Variants in PDE11A observed in about 807,000 individuals in gnomAD.
The protein encoded by PDE11A is phosphodiesterase 11A, also known as dual 3',5'-cyclic-AMP and -GMP phosphodiesterase 11A.
Under a neutral mutation model 100.5 loss-of-function variants are expected in PDE11A, and 100 were observed. The observed-to-expected ratio is 1.00, with a 90% CI of 0.85 to 1.18. The LOEUF (loss-of-function observed/expected upper bound fraction) is 1.18, where lower values mean the gene tolerates loss of function less well. Among genes scored for constraint, PDE11A ranks in the 50% most tolerant of loss-of-function variants. The pLI, the probability that PDE11A is intolerant of heterozygous loss-of-function variation, is 0.00. For missense variants in PDE11A, 1,141 were observed against 1,152.6 expected, an observed-to-expected ratio of 0.99 and a Z score of 0.15; for synonymous variants, 381 against 420.8, an observed-to-expected ratio of 0.91 and a Z score of 1.16.
At chr2:177,764,551 C>A (rs903380198) in intron 10 of PDE11A, among the ~76,000 whole-genome samples, 7 of 152,180 alleles carry the variant, frequency 4.6e-5, no homozygotes, top group African/African-American at 1.7e-4. Flanking sequence ...GGGTACTAAA[C>A]TCATTTTCTT....
At chr2:177,897,375 G>T (rs564823095) in intron 4 of PDE11A, among the ~76,000 whole-genome samples, 3 of 152,334 alleles carry the variant, frequency 2.0e-5, no homozygotes, top group South Asian at 4.1e-4. Flanking sequence ...CAGCCCTAAG[G>T]CTCTGAACGA....
intron 1 of PDE11A, among the ~76,000 whole-genome samples, chr2:178,033,560 A>G (rs1304707047): frequency 6.6e-6 from 1 of 152,172 alleles, no homozygotes; most frequent in African/African-American, 2.4e-5. Context: ...CAACACTAAG[A>G]TACTCCTCAA....
intron 12 of PDE11A, among the ~76,000 whole-genome samples, chr2:177,715,932 T>A (rs184587042): frequency 3.2e-4 from 49 of 152,186 alleles, no homozygotes; most frequent in Non-Finnish European, 5.9e-4. Flanking sequence ...GATTGCTGTG[T>A]CTTATCACGG....
intron 1 of PDE11A, among the ~76,000 whole-genome samples, chr2:178,029,679 A>T (rs2086520668): frequency 6.6e-6 from 1 of 152,302 alleles, no homozygotes; most frequent in East Asian, 1.9e-4. Context: ...AATGGCAGGA[A>T]ATATATATTG....
At chr2:177,766,452 T>C (rs1225606755) in intron 10 of PDE11A, among the ~76,000 whole-genome samples, 2 of 152,160 alleles carry the variant, frequency 1.3e-5, no homozygotes, top group East Asian at 1.9e-4. Flanking sequence ...CTTCAAATCA[T>C]TGCACACTTA....
intron 9 of PDE11A, among the ~76,000 whole-genome samples, chr2:177,781,504 C>CT (rs71010818): frequency 6.2e-5 from 9 of 145,658 alleles, no homozygotes; most frequent in African/African-American, 2.2e-4. Flanking sequence ...TTTTTCTTTT[C>CT]TTTTTTTTTT....
At chr2:177,947,897 A>G (rs1356649042) in intron 2 of PDE11A, among the ~76,000 whole-genome samples, 1 of 152,088 alleles carries the variant, frequency 6.6e-6, no homozygotes, top group Non-Finnish European at 1.5e-5. Flanking sequence ...TGAGGAAGAA[A>G]GTTAAAGCCA....
At chr2:178,075,551 C>CA (rs397756518), upstream of PDE11A, among the ~76,000 whole-genome samples, 19,103 of 47,118 alleles carry the variant, frequency 0.41, 4,004 homozygotes, top group Non-Finnish European at 0.49. Context: ...GACTCTGTCT[C>CA]AAAAAAAAAA....
At chr2:177,636,813 T>C (rs1278745351) in intron 19 of PDE11A, among the ~76,000 whole-genome samples, 11 of 152,196 alleles carry the variant, frequency 7.2e-5, no homozygotes, top group Admixed American at 7.2e-4. Context: ...TCTCCAGATA[T>C]TGCCAGATGT....
At chr2:178,095,249 G>C (rs918482979) in intron 2 of PDE11A, among the ~76,000 whole-genome samples, 19 of 152,116 alleles carry the variant, frequency 1.2e-4, no homozygotes, top group African/African-American at 4.6e-4. Flanking sequence ...ATATAATGGG[G>C]ATACAAACAA....
chr2:177,659,135 C>A (rs1013844821), intron 19 of PDE11A, among the ~76,000 whole-genome samples: 1 of 151,900 alleles, frequency 6.6e-6, no homozygotes, highest in East Asian at 1.9e-4. Context: ...GTGGTGCATG[C>A]CTGTAATCTC....
At chr2:177,793,830 A>G (rs2082666801) in intron 9 of PDE11A, among the ~76,000 whole-genome samples, 1 of 152,140 alleles carries the variant, frequency 6.6e-6, no homozygotes, top group African/African-American at 2.4e-5. Flanking sequence ...ATGGGGAGGG[A>G]CTGGACCACT....
At chr2:177,786,843 G>T (rs983696638) in intron 9 of PDE11A, among the ~76,000 whole-genome samples, 2 of 152,004 alleles carry the variant, frequency 1.3e-5, no homozygotes, top group African/African-American at 4.8e-5. Flanking sequence ...AGAGAAAAAA[G>T]AATAAAAAGA....
intron 19 of PDE11A, among the ~76,000 whole-genome samples, chr2:177,632,026 T>C (rs1007416928): frequency 1.3e-5 from 2 of 152,192 alleles, no homozygotes; most frequent in Non-Finnish European, 2.9e-5. Flanking sequence ...GGCTTCCTTT[T>C]GTAATCTTTC....
At chr2:177,739,546 A>C (rs2081842313) in intron 10 of PDE11A, among the ~76,000 whole-genome samples, 1 of 152,204 alleles carries the variant, frequency 6.6e-6, no homozygotes, top group Non-Finnish European at 1.5e-5. Context: ...ATCACCTTCC[A>C]GTGAGCTGGT....
At chr2:178,020,924 G>GGT (rs532087273) in intron 1 of PDE11A, among the ~76,000 whole-genome samples, 1,930 of 125,702 alleles carry the variant, frequency 0.015, 21 homozygotes, top group East Asian at 0.046. Flanking sequence ...TTTTTGTCTT[G>GGT]GTGTGTGTGT....
intron 15 of PDE11A, among the ~76,000 whole-genome samples, chr2:177,689,106 G>A (rs1200076556): frequency 6.6e-6 from 1 of 151,960 alleles, no homozygotes; most frequent in African/African-American, 2.4e-5. Context: ...ATTTGAGATG[G>A]AGTTTCACTC....
At chr2:177,740,488 G>T (rs2081856500) in intron 10 of PDE11A, among the ~76,000 whole-genome samples, 1 of 152,192 alleles carries the variant, frequency 6.6e-6, no homozygotes, top group African/African-American at 2.4e-5. Context: ...CCATGGGTAA[G>T]ATTCTATTAC....
intron 1 of PDE11A, among the ~76,000 whole-genome samples, chr2:178,017,099 C>A (rs1405012367): frequency 1.3e-5 from 2 of 152,238 alleles, no homozygotes; most frequent in African/African-American, 4.8e-5. Flanking sequence ...GCATATTATA[C>A]ATGCACAATA....
Sources: allele counts gnomAD v4.1 joint callset (sites outside exome capture counted in the v4.1 genomes callset), GRCh38; gene constraint gnomAD v4.1.1; transcripts MANE v1.5; gene names NCBI Gene and HGNC (gene_info 2026-07-23, HGNC 2026-07-21).